The following SBNO2 variants were observed in gnomAD, a reference collection of about 807,000 sequenced individuals.
The protein encoded by SBNO2 is protein strawberry notch homolog 2.
SBNO2 carries 89 observed loss-of-function variants against 146.3 expected under a neutral mutation model. The observed-to-expected ratio is 0.61, with a 90% CI of 0.51 to 0.73. The LOEUF is 0.73. Ranked by LOEUF, SBNO2 falls within the 30% of genes least tolerant of loss-of-function variation. The pLI is 0.00. For synonymous variants in SBNO2, 1,147 were observed against 892.6 expected (o/e 1.29, Z -5.08); for missense variants, 2,092 against 2,003.7 (o/e 1.04, Z -0.84).
chr19:1,167,786 G>C (rs1036674731), intron 1 of SBNO2, among the ~76,000 whole-genome samples: 1 of 152,202 alleles, frequency 6.6e-6, no homozygotes, highest in Admixed American at 6.5e-5. Flanking sequence ...CAGGCCATGA[G>C]GTCTCAGCCT....
At chr19:1,142,161 A>C (rs56004612) in intron 4 of SBNO2, among the ~76,000 whole-genome samples, 371 of 2,548 alleles carry the variant, frequency 0.15, 5 homozygotes, top group Middle Eastern at 0.33. Flanking sequence ...ATCAATCCTC[A>C]CTCAATGACC....
At chr19:1,159,959 C>T (rs561188147) in intron 1 of SBNO2, among the ~76,000 whole-genome samples, 1 of 152,168 alleles carries the variant, frequency 6.6e-6, no homozygotes, top group South Asian at 2.1e-4. Flanking sequence ...AGGGAGACCC[C>T]AGAGTGTCCG....
Position 1,112,901 on chromosome 19 carries a change from C to A in SBNO2, c.2296G>T (p.Ala766Ser). Residue 766 changes from alanine to serine, a missense_variant, in exon 20 of 32, where the codon GCC becomes TCC. Coordinates refer to ENST00000361757, the MANE Select transcript of SBNO2 (RefSeq NM_014963.3). This position sits in a 1 kb window ranked among gnomAD's most constrained non-coding sequence, Gnocchi z 5.9. ...CCCTGCTCTGCCCGCGACTCGAAGG[C>A]CACCGTCCCGTCGGGCCTGGACACC... ...RVVSRPDGTV[A>S]FESRAEQGLS... 1 of 1,570,552 alleles carries A rather than the reference C, an allele frequency of 6.4e-7. No individual in the cohort carries two copies. Among genetic ancestry groups the A allele is most frequent in the Non-Finnish European group, 8.6e-7 (1 of 1,159,514 alleles).
intron 13 of SBNO2, 66 bp from the exon 14 acceptor site, chr19:1,119,230 G>C (rs757935741): frequency 1.3e-5 from 20 of 1,524,742 alleles, no homozygotes; most frequent in Non-Finnish European, 1.8e-5. Flanking sequence ...CTCGGAGCGC[G>C]AGGCAGAGCC....
chr19:1,130,491 C>CA (rs1173359488), intron 4 of SBNO2, among the ~76,000 whole-genome samples: 4 of 150,562 alleles, frequency 2.7e-5, no homozygotes, highest in Non-Finnish European at 5.9e-5. Context: ...GACCCTATCT[C>CA]AAAAAAAAAG....
chr19:1,161,925 G>GGGGGGGGGGGC (rs2080350834), intron 1 of SBNO2, among the ~76,000 whole-genome samples: 1 of 46,582 alleles, frequency 2.1e-5, no homozygotes, highest in Non-Finnish European at 4.3e-5. Context: ...GGGGGGGGGG[G>GGGGGGGGGGGC]TTGGGCCAGG....
Position 1,150,452 on chromosome 19 carries a change from A to G in SBNO2, c.94-1010T>C, listed in dbSNP as rs544969383. Among the ~76,000 whole-genome samples, 25 of 146,332 alleles carry G rather than the reference A, an allele frequency of 1.7e-4. No homozygotes were observed. Among genetic ancestry groups the G allele is most frequent in the African/African-American group, 6.7e-4 (25 of 37,124 alleles). On this transcript the variant is annotated intron_variant, in intron 2 of 31. Transcript: ENST00000361757. This position sits in a 1 kb window ranked among gnomAD's most constrained non-coding sequence, Gnocchi z 6.2. ...ACCCTGCCGTCACAGACGCCCCCAC[A>G]GTCACGGGGGAGACCCTGCCGTCAC...
intron 2 of SBNO2, among the ~76,000 whole-genome samples, chr19:1,152,381 TG>T (rs2080250673): frequency 6.6e-6 from 1 of 152,194 alleles, no homozygotes; most frequent in Admixed American, 6.5e-5. Flanking sequence ...CCCTCCCTCC[TG>T]GATTAGTCCC....
chr19:1,138,535 C>T (rs566878705), intron 4 of SBNO2, among the ~76,000 whole-genome samples: 3 of 152,158 alleles, frequency 2.0e-5, no homozygotes, highest in Non-Finnish European at 2.9e-5. Flanking sequence ...CCAAGAGAAA[C>T]GAAAACGTGT....
intron 3 of SBNO2, 78 bp from the exon 4 acceptor site, chr19:1,147,498 G>A: frequency 6.0e-6 from 5 of 827,900 alleles, no homozygotes; most frequent in Non-Finnish European, 9.1e-6. Flanking sequence ...CACCCCCATG[G>A]CCGCAGCCAG....
chr19:1,166,632 C>CACACACACACA (rs948586869), intron 1 of SBNO2, among the ~76,000 whole-genome samples: 5 of 152,056 alleles, frequency 3.3e-5, no homozygotes, highest in African/African-American at 1.2e-4. Context: ...CACACACACA[C>CACACACACACA]ACACACACAC....
At position 1,112,469 on chromosome 19, in the gene SBNO2, G is replaced by A. The variant is rs898972227; in HGVS notation, c.2448C>T (p.Asn816=). 6.2e-7 allele frequency: 1 copy of A among 1,608,056 alleles called. No individual in the cohort carries two copies. The highest frequency in any genetic ancestry group is 2.2e-5 in the East Asian group (1 of 44,806). Residue 816 remains asparagine, a synonymous_variant, in exon 21 of 32, where the codon AAC becomes AAT. Transcript: ENST00000361757. The surrounding 1 kb of genome is among the most constrained non-coding windows in gnomAD (Gnocchi z 5.9). ...AGGTCATGTGCACGCGGCGCCGCTGGTTCTGGACACGGCGGTCGGCTTGGA... is the reference window on the plus strand; with the variant it reads ...AGGTCATGTGCACGCGGCGCCGCTGATTCTGGACACGGCGGTCGGCTTGGA... ...VSLQADRRVQ[N]QRRRVHMTLE... is the part of the protein sequence containing the mutation.
In SBNO2 at chr19:1,136,285, A is replaced by C. The variant is rs1242831057; in HGVS notation, c.280-8520T>G. Among the ~76,000 whole-genome samples the C allele has an allele frequency of 6.6e-6, 1 of 152,140 alleles. No homozygotes were observed. Among genetic ancestry groups the C allele is most frequent in the African/African-American group, 2.4e-5 (1 of 41,414 alleles). ...TTGAAGCTGTGTGTGCTGCTTCCTC[A>C]CAGCAGCCCTGGGAGGCTGGCACGG... is the stretch of plus-strand genomic sequence containing the variant. On this transcript the variant is annotated intron_variant, in intron 4 of 31. Coordinates refer to ENST00000361757, the MANE Select transcript of SBNO2 (RefSeq NM_014963.3). This position sits in a 1 kb window ranked among gnomAD's most constrained non-coding sequence, Gnocchi z 4.2.
intron 4 of SBNO2, among the ~76,000 whole-genome samples, chr19:1,134,028 A>G (rs867325173): frequency 2.6e-5 from 4 of 151,886 alleles, no homozygotes; most frequent in African/African-American, 9.7e-5. Context: ...CACAGGACCC[A>G]CAGCTCAAGG....
At chr19:1,127,889 A>G (rs1173800597) in intron 4 of SBNO2, 124 bp from the exon 5 acceptor site, 1 of 858,856 alleles carries the variant, frequency 1.2e-6, no homozygotes, top group Non-Finnish European at 1.8e-6. Flanking sequence ...TGGGAATGGG[A>G]GACACCACGG....
Position 1,113,746 on chromosome 19 carries a change from C to T in SBNO2, c.2078-42G>A, listed in dbSNP as rs548695150. On this transcript the variant is annotated intron_variant, in intron 18 of 31. Transcript: ENST00000361757. ...GGGTCAGGGCAGGACATGTTGGCTG[C>T]CTTCTAGGGCCCACCTAACTCAAGG... 5 of 1,427,662 alleles carry T rather than the reference C, an allele frequency of 3.5e-6. No homozygotes were observed. In the South Asian group the frequency reaches 7.6e-5, roughly 22 times the overall value. 88.4% of individuals were successfully genotyped at this position (1,427,662 alleles called of 1,614,324 possible).
In SBNO2 at chr19:1,108,328, G is replaced by A; in HGVS notation, c.3993C>T (p.Gly1331=). The A allele has an allele frequency of 2.9e-6, 4 of 1,375,616 alleles. No homozygotes were observed. The highest frequency in any genetic ancestry group is 3.8e-6 in the Non-Finnish European group (4 of 1,062,450). The allele number at this position is 1,375,616 out of a possible 1,614,324, so 85.2% of individuals were successfully genotyped here. Residue 1331 remains glycine, a synonymous_variant, in exon 32 of 32, where the codon GGC becomes GGT. Coordinates refer to ENST00000361757, the MANE Select transcript of SBNO2 (RefSeq NM_014963.3). ...CCGCCCCCGCGCCCTCCCCCAGCGC[G>A]CCCTCGGAGGGCGGCCCCGCGTGCA... The part of the protein sequence containing the change: ...RSLHAGPPSE[G]ALGEGAGAGG...
Position 1,172,214 on chromosome 19 carries a change from G to T in SBNO2, c.-127+1958C>A, listed in dbSNP as rs185122134. Among the ~76,000 whole-genome samples, 21 of 152,300 alleles carry T rather than the reference G, an allele frequency of 1.4e-4. No homozygotes were observed. The East Asian group carries it at 3.9e-3, about 28-fold the overall frequency. On this transcript the variant is annotated intron_variant, in intron 1 of 31. Transcript: ENST00000361757. Reference sequence around the variant, plus strand: ...TCCAAGTCCTTCCCTCTCCAAGGACGAGAGCCTGCCTGCGTCTCCTCTGCC... The same window carrying T: ...TCCAAGTCCTTCCCTCTCCAAGGACTAGAGCCTGCCTGCGTCTCCTCTGCC...
intron 4 of SBNO2, among the ~76,000 whole-genome samples, chr19:1,138,786 C>T (rs1393540279): frequency 2.0e-5 from 3 of 150,936 alleles, no homozygotes. Flanking sequence ...CGGACAGACA[C>T]AGTGGGGCCC....
Sources: gnomAD v4.1 joint callset for allele counts (sites outside exome capture counted in the v4.1 genomes callset) on GRCh38, gnomAD v4.1.1 for gene constraint, Gnocchi (gnomAD v3.1) non-coding constraint, MANE v1.5 for transcripts, NCBI Gene and HGNC (gene_info 2026-07-23, HGNC 2026-07-21) for gene names.